Variants in SHMT2 observed in about 807,000 individuals in gnomAD.
SHMT2 encodes the protein serine hydroxymethyltransferase 2.
In SHMT2, 38 loss-of-function variants were observed where a neutral mutation model predicts 59.6. The observed-to-expected ratio is 0.64, with a 90% CI of 0.49 to 0.84. The LOEUF is 0.84. Among genes scored for constraint, SHMT2 ranks in the 40% least tolerant of loss-of-function variants. The pLI is 0.00. For synonymous variants in SHMT2, 254 were observed against 258.1 expected, an observed-to-expected ratio of 0.98 and a Z score of 0.15; for missense variants, 533 against 659.5, an observed-to-expected ratio of 0.81 and a Z score of 2.10.
chr12:57,232,842 A>G lies in SHMT2; in HGVS notation c.856A>G (p.Arg286Gly). Residue 286 changes from arginine to glycine, a missense_variant and splice_region_variant, in exon 7 of 12, where the codon AGG (arginine) becomes GGG (glycine). By Grantham distance (125) the Arg-to-Gly change is moderately radical. Coordinates refer to ENST00000328923, the MANE Select transcript of SHMT2 (RefSeq NM_005412.6). ...TTTHKTLRGA[R>G]SGLIFYRKGV... ...TACTCACAAGACTCTTCGAGGGGCCAGGTCAGGCTCCCTGAGGTCGGGCCT... is the reference window on the plus strand; with the variant it reads ...TACTCACAAGACTCTTCGAGGGGCCGGGTCAGGCTCCCTGAGGTCGGGCCT... 6.2e-7 allele frequency: 1 copy of G among 1,604,974 alleles called. No individual in the cohort carries two copies.
Position 57,234,401 on chromosome 12 carries a change from C to T in SHMT2, c.*40C>T, listed in dbSNP as rs1461605333. On this transcript the variant is annotated 3_prime_UTR_variant, in exon 12 of 12. Coordinates refer to ENST00000328923, the MANE Select transcript of SHMT2 (RefSeq NM_005412.6). ...TGAGGCCCACAGACTCAAAGTTACTCTCCTTCCCCCTACCTGGGCCAGTGA... is the reference window on the plus strand; with the variant it reads ...TGAGGCCCACAGACTCAAAGTTACTTTCCTTCCCCCTACCTGGGCCAGTGA... 6.5e-7 allele frequency: 1 copy of T among 1,532,216 alleles called. No homozygotes were observed. Among genetic ancestry groups the T allele is most frequent in the South Asian group, 1.3e-5 (1 of 77,406 alleles). The allele number at this position is 1,532,216 out of a possible 1,614,324, so 94.9% of individuals were successfully genotyped here. A position where few individuals can be genotyped will look rare whatever the true frequency, so the allele number is the denominator to read the frequency against.
At chr12:57,230,370 A>C in intron 1 of SHMT2, 1 of 1,144,158 alleles carries the variant, frequency 8.7e-7, no homozygotes, top group African/African-American at 1.6e-5. Flanking sequence ...ATTGCTCTAC[A>C]ATCTGTGGCC....
chr12:57,230,830 A>T lies in SHMT2; in HGVS notation c.61A>T (p.Arg21Trp). ...RPLQRCGQLV[R>W]MAIRAQHSNA... ...TCTGCAGAGATGTGGGCAGCTGGTC[A>T]GGATGGCCATTCGGGCTCAGCACAG... The change falls in exon 2 of 12, where the codon AGG becomes TGG. Residue 21 changes from arginine to tryptophan, a missense_variant. Arg to Trp is a moderately radical substitution (Grantham distance 101, BLOSUM62 -3). Coordinates refer to ENST00000328923, the MANE Select transcript of SHMT2 (RefSeq NM_005412.6). The T allele has an allele frequency of 6.2e-7, 1 of 1,614,124 alleles. No homozygotes were observed. Among genetic ancestry groups the T allele is most frequent in the African/African-American group, 1.3e-5 (1 of 75,028 alleles).
At position 57,233,762 on chromosome 12, in the gene SHMT2, C is replaced by T. The variant is rs759848444; in HGVS notation, c.1137C>T (p.Asn379=). 1 of 1,614,102 alleles carries T rather than the reference C, an allele frequency of 6.2e-7. No homozygotes were observed. ...TACCCACCTTAGGTGGTACTGACAA[C>T]CACCTGGTGCTGGTGGACCTGCGGC... is the stretch of plus-strand genomic sequence containing the variant. The part of the protein sequence containing the change: ...GYSLVSGGTD[N]HLVLVDLRPK... Residue 379 remains asparagine (N), a synonymous_variant, in exon 10 of 12, where the codon AAC becomes AAT. Coordinates refer to ENST00000328923, the MANE Select transcript of SHMT2 (RefSeq NM_005412.6).
In SHMT2 at chr12:57,233,660, C is replaced by T; in HGVS notation, c.1121C>T (p.Ser374Leu). ...ALLERGYSLV[S>L]GGTDNHLVLV... ...CTAGAGCGAGGCTACTCACTGGTATCAGGTAAGCCAGCAGGTGATGGGTGA... is the reference window on the plus strand; with the variant it reads ...CTAGAGCGAGGCTACTCACTGGTATTAGGTAAGCCAGCAGGTGATGGGTGA... Residue 374 changes from serine to leucine, a missense_variant and splice_region_variant, in exon 9 of 12, where the codon TCA becomes TTA. Transcript: ENST00000328923. 6.2e-7 allele frequency: 1 copy of T among 1,613,860 alleles called. No homozygotes were observed. Among genetic ancestry groups the T allele is most frequent in the East Asian group, 2.2e-5 (1 of 44,886 alleles).
rs781224640 is a variant in SHMT2, at chr12:57,232,763, G to A, written c.777G>A (p.Val259=). 1.2e-6 allele frequency: 2 copies of A among 1,613,400 alleles called. No homozygotes were observed. The highest frequency in any genetic ancestry group is 1.3e-5 in the African/African-American group (1 of 74,936). The change falls in exon 7 of 12, where the codon GTG becomes GTA. Residue 259 remains valine (V), a synonymous_variant. Coordinates refer to ENST00000328923, the MANE Select transcript of SHMT2 (RefSeq NM_005412.6). ...LADMAHISGL[V]AAKVIPSPFK... ...ACATGGCCCACATCAGTGGCCTGGT[G>A]GCTGCCAAGGTGATTCCCTCGCCTT...
intron 1 of SHMT2, 132 bp downstream of exon 1, chr12:57,229,943 G>A: frequency 2.7e-6 from 4 of 1,485,514 alleles, no homozygotes; most frequent in Non-Finnish European, 3.6e-6. Context: ...GGGAGCGGAC[G>A]TGTAACTGGG....
chr12:57,233,728 C>G (rs2037429343), intron 9 of SHMT2, 21 bp from the exon 10 acceptor site: 2 of 1,613,660 alleles, frequency 1.2e-6, no homozygotes, highest in Non-Finnish European at 1.7e-6. Context: ...CTCACCACTC[C>G]CCATTTCTTA....
rs2037397588 is a variant in SHMT2 at position 57,233,163 on chromosome 12, A to G, written c.858-17A>G. 1.3e-6 allele frequency: 2 copies of G among 1,523,848 alleles called. No individual in the cohort carries two copies. The highest frequency in any genetic ancestry group is 1.4e-5 in the African/African-American group (1 of 72,060). 94.4% of individuals were successfully genotyped at this position (1,523,848 alleles called of 1,614,324 possible). A position where few individuals can be genotyped will look rare whatever the true frequency, so the allele number is the denominator to read the frequency against. ...CTTCTTTTCAGCTTAGACTCTGACCATCCACCTCTCACACAGGTCAGGGCT... is the reference window on the plus strand; with the variant it reads ...CTTCTTTTCAGCTTAGACTCTGACCGTCCACCTCTCACACAGGTCAGGGCT... On this transcript the variant is annotated splice_polypyrimidine_tract_variant and intron_variant, in intron 7 of 11. Transcript: ENST00000328923.
rs143597171 is a variant in SHMT2, at chr12:57,234,047, C to T, written c.1324C>T (p.Arg442Trp). Residue 442 changes from arginine to tryptophan, a missense_variant, in exon 11 of 12, where the codon CGG (arginine) becomes TGG (tryptophan). By Grantham distance (101) the Arg-to-Trp change is moderately radical. Transcript: ENST00000328923. ...TCGACAGTTCCGTGAGGATGACTTC[C>T]GGAGAGTTGTGGACTTTATAGATGA... ...TSRQFREDDF[R>W]RVVDFIDEGV... 56 of 1,614,048 alleles carry T rather than the reference C, an allele frequency of 3.5e-5. No individual in the cohort carries two copies. In the African/African-American group the frequency reaches 3.7e-4, roughly 11 times the overall value.
intron 2 of SHMT2, 198 bp downstream of exon 2, chr12:57,231,198 G>A (rs932517808): frequency 4.7e-6 from 3 of 636,246 alleles, no homozygotes; most frequent in Non-Finnish European, 8.2e-6. Context: ...GAGCCTCCAG[G>A]GTCCCTACAG....
At chr12:57,230,599 G>A in intron 1 of SHMT2, 1 of 1,427,916 alleles carries the variant, frequency 7.0e-7, no homozygotes. Context: ...GGTGAATGGA[G>A]CAAATCAGAA....
chr12:57,230,794 T>G lies in SHMT2; in HGVS notation c.34-9T>G, dbSNP rs755700875. Reference sequence around the variant, plus strand: ...GTTGTGATTTCACCCTGACTTTTCCTGCCTTCAGCCTCTGCAGAGATGTGG... The same window carrying G: ...GTTGTGATTTCACCCTGACTTTTCCGGCCTTCAGCCTCTGCAGAGATGTGG... On this transcript the variant is annotated splice_polypyrimidine_tract_variant and intron_variant, in intron 1 of 11. Transcript: ENST00000328923. 1 of 1,613,428 alleles carries G rather than the reference T, an allele frequency of 6.2e-7. No homozygotes were observed. Among genetic ancestry groups the G allele is most frequent in the Non-Finnish European group, 8.5e-7 (1 of 1,179,530 alleles).
chr12:57,233,658 A>G lies in SHMT2; in HGVS notation c.1119A>G (p.Val373=), dbSNP rs1045710733. 2 of 1,613,972 alleles carry G rather than the reference A, an allele frequency of 1.2e-6. No individual in the cohort carries two copies. Among genetic ancestry groups the G allele is most frequent in the Middle Eastern group, 1.7e-4 (1 of 6,060 alleles). Residue 373 remains valine, a synonymous_variant, in exon 9 of 12, where the codon GTA becomes GTG. Transcript: ENST00000328923. ...DALLERGYSL[V]SGGTDNHLVL... is the part of the protein sequence containing the mutation. ...TGCTAGAGCGAGGCTACTCACTGGT[A>G]TCAGGTAAGCCAGCAGGTGATGGGT... is the stretch of plus-strand genomic sequence containing the variant.
At position 57,233,198 on chromosome 12, in the gene SHMT2, C is replaced by T; in HGVS notation, c.876C>T (p.Tyr292=). 3.2e-6 allele frequency: 5 copies of T among 1,571,028 alleles called. No individual in the cohort carries two copies. Among genetic ancestry groups the T allele is most frequent in the Non-Finnish European group, 4.3e-6 (5 of 1,157,708 alleles). The stretch of plus-strand genomic sequence containing the variant: ...CACACAGGTCAGGGCTCATCTTCTA[C>T]CGGAAAGGGGTGAAGGCTGTGGACC... ...LRGARSGLIF[Y]RKGVKAVDPK... is the part of the protein sequence containing the mutation. Residue 292 remains tyrosine (Y), a synonymous_variant, in exon 8 of 12, where the codon TAC becomes TAT. Coordinates refer to ENST00000328923, the MANE Select transcript of SHMT2 (RefSeq NM_005412.6).
chr12:57,231,395 T>A (rs1163569960), intron 2 of SHMT2, 86 bp from the exon 3 acceptor site: 1 of 1,424,192 alleles, frequency 7.0e-7, no homozygotes, highest in African/African-American at 1.4e-5. Flanking sequence ...TACTCCCGCT[T>A]TCAGCTCTGG....
At chr12:57,234,132 C>T in intron 11 of SHMT2, 22 bp downstream of exon 11, 1 of 1,613,852 alleles carries the variant, frequency 6.2e-7, no homozygotes, top group South Asian at 1.1e-5. Flanking sequence ...AGAAGGAGCC[C>T]CGGGCCAGCC....
intron 2 of SHMT2, 153 bp from the exon 3 acceptor site, chr12:57,231,328 C>T (rs2037307889): frequency 1.3e-6 from 1 of 776,116 alleles, no homozygotes; most frequent in African/African-American, 1.7e-5. Context: ...TCTGAGAATG[C>T]TGCCTCTGGC....
In SHMT2 at chr12:57,232,764, G is replaced by A; in HGVS notation, c.778G>A (p.Ala260Thr). 6.2e-7 allele frequency: 1 copy of A among 1,613,466 alleles called. No individual in the cohort carries two copies. Among genetic ancestry groups the A allele is most frequent in the Non-Finnish European group, 8.5e-7 (1 of 1,179,464 alleles). Residue 260 changes from alanine to threonine, a missense_variant, in exon 7 of 12, where the codon GCT becomes ACT. Transcript: ENST00000328923. ...CATGGCCCACATCAGTGGCCTGGTGGCTGCCAAGGTGATTCCCTCGCCTTT... is the reference window on the plus strand; with the variant it reads ...CATGGCCCACATCAGTGGCCTGGTGACTGCCAAGGTGATTCCCTCGCCTTT... ...ADMAHISGLV[A>T]AKVIPSPFKH...
Sources: allele counts gnomAD v4.1 joint callset, GRCh38; gene constraint gnomAD v4.1.1; transcripts MANE v1.5; gene names NCBI Gene and HGNC (gene_info 2026-07-23, HGNC 2026-07-21).